Variants in MICAL2 observed in about 807,000 individuals in gnomAD.
The protein encoded by MICAL2 is microtubule associated monooxygenase, calponin and LIM domain containing 2.
A neutral mutation model predicts 127.3 loss-of-function variants in MICAL2; 77 were observed. That is an observed-to-expected ratio of 0.60 (90% CI 0.50 to 0.73). The LOEUF (loss-of-function observed/expected upper bound fraction) is 0.73, where lower values mean the gene tolerates loss of function less well. MICAL2 is among the 30% of genes least tolerant of loss of function. The pLI is 0.00. For synonymous variants in MICAL2, 570 were observed against 551.1 expected (o/e 1.03, Z -0.48); for missense variants, 1,351 against 1,434.4 (o/e 0.94, Z 0.94).
chr11:12,162,478 G>A, intron 3 of MICAL2, 59 bp downstream of exon 3: 1 of 1,589,734 alleles, frequency 6.3e-7, no homozygotes. Context: ...CATTTGGGAG[G>A]TTAGGAAGCT....
chr11:12,204,284 G>T lies in MICAL2; in HGVS notation c.299G>T (p.Arg100Leu), dbSNP rs764418612. 3 of 1,613,882 alleles carry T rather than the reference G, an allele frequency of 1.9e-6. No individual in the cohort carries two copies. The highest frequency in any genetic ancestry group is 2.5e-6 in the Non-Finnish European group (3 of 1,180,000). The change falls in exon 4 of 28, where the codon CGC becomes CTC. Residue 100 changes from arginine to leucine, a missense_variant. Coordinates refer to ENST00000683283, the MANE Select transcript of MICAL2 (RefSeq NM_001282663.2). ...LIVGGGPCGL[R>L]TAIELAYLGA... ...GTTGGGGGAGGACCCTGTGGCTTGCGCACTGCCATTGAACTTGCCTACCTG... is the reference window on the plus strand; with the variant it reads ...GTTGGGGGAGGACCCTGTGGCTTGCTCACTGCCATTGAACTTGCCTACCTG...
chr11:12,150,893 G>C (rs1565045064), intron 2 of MICAL2, among the ~76,000 whole-genome samples: 1 of 152,144 alleles, frequency 6.6e-6, no homozygotes, highest in Non-Finnish European at 1.5e-5. Context: ...TTTGGTTTGG[G>C]CTACCTAGAG....
rs78097636 is a variant in MICAL2, at chr11:12,183,981, T to A, written c.265-20269T>A. On this transcript the variant is annotated intron_variant, in intron 3 of 27. Coordinates refer to ENST00000683283, the MANE Select transcript of MICAL2 (RefSeq NM_001282663.2). Reference sequence around the variant, plus strand: ...GCTTTTGCAGAGATGGGTTTTGCCATGTTGCCCAGGCTGGTCTTGAACTCC... The same window carrying A: ...GCTTTTGCAGAGATGGGTTTTGCCAAGTTGCCCAGGCTGGTCTTGAACTCC... 2.6e-5 allele frequency among the ~76,000 whole-genome samples: 4 copies of A among 152,272 alleles called. No individual in the cohort carries two copies. In the East Asian group the frequency reaches 7.7e-4, roughly 29 times the overall value.
downstream of MICAL2, among the ~76,000 whole-genome samples, chr11:12,361,730 C>T (rs1169885361): frequency 6.6e-6 from 1 of 152,176 alleles, no homozygotes; most frequent in Non-Finnish European, 1.5e-5. Context: ...ATTCTGGAGG[C>T]AAATGACAAT....
At chr11:12,264,334 G>C (rs1455821405), downstream of MICAL2, among the ~76,000 whole-genome samples, 2 of 152,188 alleles carry the variant, frequency 1.3e-5, no homozygotes, top group Non-Finnish European at 1.5e-5. Context: ...GCCATCCTAA[G>C]AGACCTCTCC....
chr11:12,221,437 C>T (rs1183761437), intron 9 of MICAL2, among the ~76,000 whole-genome samples: 1 of 152,228 alleles, frequency 6.6e-6, no homozygotes, highest in Non-Finnish European at 1.5e-5. Context: ...GCTATGCCTG[C>T]GTCATAGCAC....
At chr11:12,347,552 G>A (rs950941071) in intron 32 of MICAL2, among the ~76,000 whole-genome samples, 1 of 152,066 alleles carries the variant, frequency 6.6e-6, no homozygotes, top group African/African-American at 2.4e-5. Context: ...TGCCCATAAA[G>A]TAAATAATTT....
At position 12,330,900 on chromosome 11, in the gene MICAL2, A is replaced by AGAGAGAGAGT. The variant is rs1238311364; in HGVS notation, c.5515+3635_5515+3636insAGAGAGAGTG. On this transcript the variant is annotated intron_variant, in intron 32 of 34. Transcript: ENST00000646065. ...GAGAGAGACAGAGAGAGAGAGAGAG[A>AGAGAGAGAGT]GTGTGTGTGTGTGTGTGTGTGTGTG... 4.5e-4 allele frequency among the ~76,000 whole-genome samples: 54 copies of AGAGAGAGAGT among 119,440 alleles called. 1 individual carries two copies. Among genetic ancestry groups the AGAGAGAGAGT allele is most frequent in the Admixed American group, 3.7e-3 (44 of 11,804 alleles). 78.4% of individuals were successfully genotyped at this position (119,440 alleles called of 152,430 possible).
chr11:12,236,140 GC>G (rs778369233), intron 15 of MICAL2, 36 bp from the exon 16 acceptor site: 8 of 1,581,254 alleles, frequency 5.1e-6, no homozygotes, highest in Non-Finnish European at 7.0e-6. Flanking sequence ...GCCCTTGGTG[GC>G]CCCCAGAGCT....
At chr11:12,271,721 G>A (rs946058534), upstream of MICAL2, among the ~76,000 whole-genome samples, 1 of 152,168 alleles carries the variant, frequency 6.6e-6, no homozygotes, top group Admixed American at 6.5e-5. Context: ...AGATGGAGCT[G>A]TCTGGGAATG....
rs1233410870 is a variant in MICAL2 at position 12,259,895 on chromosome 11, C to G, written c.3332C>G (p.Pro1111Arg). The change falls in exon 26 of 28, where the codon CCA (proline) becomes CGA (arginine). Residue 1111 changes from proline (P) to arginine (R), a missense_variant and splice_region_variant. Coordinates refer to ENST00000683283, the MANE Select transcript of MICAL2 (RefSeq NM_001282663.2). ...AAIGTLEGSPPVHFSLPVLHP... is the reference protein window; with the variant it reads ...AAIGTLEGSPRVHFSLPVLHP... Reference sequence around the variant, plus strand: ...ATTGGCACCCTGGAAGGCAGCCCCCCAGGTATCTCCACCTCCTTCTTTAGG... The same window carrying G: ...ATTGGCACCCTGGAAGGCAGCCCCCGAGGTATCTCCACCTCCTTCTTTAGG... The G allele has an allele frequency of 1.9e-6, 3 of 1,613,182 alleles. No homozygotes were observed. The highest frequency in any genetic ancestry group is 1.7e-4 in the Middle Eastern group (1 of 6,060).
At chr11:12,277,752 G>A (rs182899776) in intron 1 of MICAL2, among the ~76,000 whole-genome samples, 2 of 152,310 alleles carry the variant, frequency 1.3e-5, no homozygotes, top group East Asian at 1.9e-4. Flanking sequence ...CTTAATAGCC[G>A]AGATATGTTC....
chr11:12,125,156 T>A (rs1484888921), intron 1 of MICAL2, among the ~76,000 whole-genome samples: 1 of 152,258 alleles, frequency 6.6e-6, no homozygotes, highest in African/African-American at 2.4e-5. Context: ...AGCAGCCCAG[T>A]GGGGTCCATT....
chr11:12,180,354 T>A (rs1857311273), intron 3 of MICAL2, among the ~76,000 whole-genome samples: 2 of 150,974 alleles, frequency 1.3e-5, no homozygotes, highest in Non-Finnish European at 2.9e-5. Context: ...TATATATTTT[T>A]TTTTTGGCAG....
In MICAL2 at chr11:12,209,779, G is replaced by T. The variant is rs116483355; in HGVS notation, c.691+181G>T. The stretch of plus-strand genomic sequence containing the variant: ...AGCCCATCCACCTGTGGGGTGGGCA[G>T]TTCAGGGGACAGCCATCTCATTCCG... On this transcript the variant is annotated intron_variant, in intron 6 of 27. Coordinates refer to ENST00000683283, the MANE Select transcript of MICAL2 (RefSeq NM_001282663.2). Among the ~76,000 whole-genome samples the T allele has an allele frequency of 9.4e-3, 1,435 of 152,268 alleles. 24 individuals are homozygous for T. The highest frequency in any genetic ancestry group is 0.033 in the African/African-American group (1,370 of 41,538).
At chr11:12,136,922 G>C (rs1189475982) in intron 1 of MICAL2, among the ~76,000 whole-genome samples, 2 of 152,172 alleles carry the variant, frequency 1.3e-5, no homozygotes, top group South Asian at 4.1e-4. Flanking sequence ...AGGGACTTCT[G>C]TTCCTGAGAT....
At chr11:12,205,939 G>A (rs1483312768) in intron 4 of MICAL2, among the ~76,000 whole-genome samples, 4 of 152,292 alleles carry the variant, frequency 2.6e-5, no homozygotes, top group African/African-American at 9.6e-5. Context: ...ATGGGAAAAA[G>A]GAATGAGGCT....
At chr11:12,236,378 G>A (rs77307435) in intron 16 of MICAL2, 133 bp downstream of exon 16, 28,904 of 781,164 alleles carry the variant, frequency 0.037, 652 homozygotes, top group Middle Eastern at 0.076. Flanking sequence ...CAAGCTTGGC[G>A]TGATGGAAAA....
At chr11:12,251,901 A>G (rs1486605288) in intron 22 of MICAL2, among the ~76,000 whole-genome samples, 3 of 152,208 alleles carry the variant, frequency 2.0e-5, no homozygotes. Flanking sequence ...AGGTCTCATT[A>G]GGGATTTGTA....
Sources: allele counts gnomAD v4.1 joint callset (sites outside exome capture counted in the v4.1 genomes callset), GRCh38; gene constraint gnomAD v4.1.1; transcripts MANE v1.5; gene names NCBI Gene and HGNC (gene_info 2026-07-23, HGNC 2026-07-21).